ABCA13: variants seen among roughly 807,000 people sequenced by gnomAD.
The protein encoded by ABCA13 is ATP-binding cassette sub-family A member 13.
ABCA13 carries 476 observed loss-of-function variants against 478.7 expected under a neutral mutation model. The ratio of observed to expected loss-of-function variants is 0.99; its 90% confidence interval spans 0.92 to 1.07. The LOEUF (loss-of-function observed/expected upper bound fraction) is 1.07, where lower values mean the gene tolerates loss of function less well. ABCA13 is among the 50% of genes least tolerant of loss of function. The probability of loss-of-function intolerance (pLI) is 0.00; values close to 1 mark genes in which losing one functional copy is unlikely to be tolerated. For synonymous variants in ABCA13, 2,252 were observed against 2,158.9 expected (o/e 1.04, Z -1.20); for missense variants, 6,060 against 5,910.6 (o/e 1.03, Z -0.83).
intron 27 of ABCA13, among the ~76,000 whole-genome samples, chr7:48,321,917 T>C (rs2128910576): frequency 6.6e-6 from 1 of 152,300 alleles, no homozygotes; most frequent in Admixed American, 6.5e-5. Flanking sequence ...CACCCCTGAC[T>C]GTCACCAGGC....
intron 41 of ABCA13, among the ~76,000 whole-genome samples, chr7:48,427,043 A>G (rs749686729): frequency 1.3e-5 from 2 of 152,064 alleles, no homozygotes; most frequent in South Asian, 2.1e-4. Flanking sequence ...GAATTGCCCA[A>G]TGTTTATTTT....
At chr7:48,176,806 T>C (rs1794945081) in intron 1 of ABCA13, among the ~76,000 whole-genome samples, 1 of 152,212 alleles carries the variant, frequency 6.6e-6, no homozygotes, top group South Asian at 2.1e-4. Flanking sequence ...TCACTTTTTT[T>C]CCTTTAAGAT....
chr7:48,489,089 C>G (rs1829609426), intron 47 of ABCA13, 147 bp from the exon 48 acceptor site: 1 of 573,010 alleles, frequency 1.7e-6, no homozygotes, highest in South Asian at 2.8e-5. Context: ...TGCTCACTGT[C>G]AGCCATGCAG....
chr7:48,626,956 G>A, intron 59 of ABCA13: 1 of 985,364 alleles, frequency 1.0e-6, no homozygotes, highest in Non-Finnish European at 1.2e-6. Context: ...TATTGCGTAT[G>A]GTTGAGACGG....
chr7:48,317,870 C>T (rs1802820659), intron 27 of ABCA13, among the ~76,000 whole-genome samples: 1 of 152,144 alleles, frequency 6.6e-6, no homozygotes, highest in Admixed American at 6.5e-5. Flanking sequence ...CATTGTTTAA[C>T]CTCTCTAATC....
At position 48,272,848 on chromosome 7, in the gene ABCA13, C is replaced by T. The variant is rs926888576; in HGVS notation, c.3182C>T (p.Thr1061Ile). The change falls in exon 17 of 62, where the codon ACT becomes ATT. Residue 1061 changes from threonine to isoleucine, a missense_variant. By Grantham distance (89) the Thr-to-Ile change is moderately conservative. Transcript: ENST00000435803. Reference protein sequence around the residue: ...EGQELEVIHTTLTGLKQLLII... With the variant: ...EGQELEVIHTILTGLKQLLII... Reference sequence around the variant, plus strand: ...CAAGAACTGGAAGTGATCCACACTACTTTGACAGGCCTCAAACAGCTGCTC... The same window carrying T: ...CAAGAACTGGAAGTGATCCACACTATTTTGACAGGCCTCAAACAGCTGCTC... 1.9e-6 allele frequency: 3 copies of T among 1,607,696 alleles called. No homozygotes were observed. The highest frequency in any genetic ancestry group is 1.7e-4 in the Middle Eastern group (1 of 6,058).
intron 23 of ABCA13, among the ~76,000 whole-genome samples, chr7:48,308,452 A>G (rs1293677539): frequency 6.6e-6 from 1 of 152,160 alleles, no homozygotes; most frequent in Non-Finnish European, 1.5e-5. Context: ...CCTTGTCACT[A>G]TTATGTACTG....
intron 26 of ABCA13, 147 bp from the exon 27 acceptor site, chr7:48,317,010 T>C (rs1046711851): frequency 4.3e-6 from 4 of 930,974 alleles, no homozygotes; most frequent in East Asian, 5.4e-5. Flanking sequence ...ATATTCAAAC[T>C]ATAGCACTCC....
intron 2 of ABCA13, among the ~76,000 whole-genome samples, chr7:48,197,748 GACAATTTTTTTGTATTAT>G (rs1384576690): frequency 6.6e-6 from 1 of 151,982 alleles, no homozygotes; most frequent in East Asian, 1.9e-4. Flanking sequence ...ATTCAGTGTA[GACAATTTTTTTGTATTAT>G]ACAATATTTA....
chr7:48,621,300 A>G (rs1793106410), intron 59 of ABCA13, among the ~76,000 whole-genome samples: 1 of 152,178 alleles, frequency 6.6e-6, no homozygotes, highest in South Asian at 2.1e-4. Flanking sequence ...ATCTGTTCGT[A>G]GAGTGTTTAA....
At chr7:48,194,720 A>G (rs1310244059) in intron 2 of ABCA13, among the ~76,000 whole-genome samples, 1 of 152,328 alleles carries the variant, frequency 6.6e-6, no homozygotes, top group African/African-American at 2.4e-5. Flanking sequence ...GGTTTTACAC[A>G]TATTAGGACC....
At chr7:48,329,719 A>G (rs1445921376) in intron 27 of ABCA13, among the ~76,000 whole-genome samples, 5 of 151,964 alleles carry the variant, frequency 3.3e-5, no homozygotes, top group African/African-American at 7.3e-5. Context: ...CCAACCATCC[A>G]TCCATCCATT....
At chr7:48,472,419 A>G (rs10251627) in intron 45 of ABCA13, among the ~76,000 whole-genome samples, 53,008 of 151,906 alleles carry the variant, frequency 0.35, 9,340 homozygotes, top group East Asian at 0.46. Flanking sequence ...CAAAGTTGAG[A>G]ACAGCTATGT....
chr7:48,201,125 G>C (rs1181116968), intron 3 of ABCA13, among the ~76,000 whole-genome samples: 1 of 152,220 alleles, frequency 6.6e-6, no homozygotes, highest in Non-Finnish European at 1.5e-5. Flanking sequence ...GGGGGAGGAA[G>C]GGATGAGGAA....
chr7:48,604,427 T>G (rs960867614), intron 58 of ABCA13, among the ~76,000 whole-genome samples: 2 of 152,238 alleles, frequency 1.3e-5, no homozygotes, highest in African/African-American at 4.8e-5. Context: ...TCTGGTACAC[T>G]GTGCCTTTGT....
rs772366775 is a variant in ABCA13, at chr7:48,273,226, A to C, written c.3560A>C (p.Glu1187Ala). 28 of 1,613,512 alleles carry C rather than the reference A, an allele frequency of 1.7e-5. No individual in the cohort carries two copies. Among genetic ancestry groups the C allele is most frequent in the Non-Finnish European group, 2.4e-5 (28 of 1,179,740 alleles). Residue 1187 changes from glutamate (E) to alanine (A), a missense_variant, in exon 17 of 62, where the codon GAA becomes GCA. Physicochemically the swap from Glu to Ala is moderately radical, Grantham distance 107. Transcript: ENST00000435803. ...TTCACTCAGCTTTTGGATGAATTGG[A>C]AGATGATGTGAAAGTCTCTAAAAGC... ...HGFTQLLDELEDDVKVSKSCQ... is the reference protein window; with the variant it reads ...HGFTQLLDELADDVKVSKSCQ...
chr7:48,447,335 C>G (rs1824427310), intron 42 of ABCA13, among the ~76,000 whole-genome samples: 1 of 152,208 alleles, frequency 6.6e-6, no homozygotes, highest in Non-Finnish European at 1.5e-5. Context: ...GCATCTTGAA[C>G]TGGCTCCTTC....
intron 9 of ABCA13, 40 bp from the exon 10 acceptor site, chr7:48,240,827 G>T (rs1790718101): frequency 2.1e-6 from 3 of 1,432,200 alleles, no homozygotes; most frequent in Non-Finnish European, 2.8e-6. Context: ...TTTCCAATTT[G>T]CTATTATTAA....
intron 42 of ABCA13, among the ~76,000 whole-genome samples, chr7:48,452,900 A>C (rs1317722021): frequency 6.6e-6 from 1 of 152,220 alleles, no homozygotes; most frequent in Non-Finnish European, 1.5e-5. Context: ...TAGAGAATTC[A>C]AATACTTATC....
Sources: gnomAD v4.1 joint callset for allele counts (sites outside exome capture counted in the v4.1 genomes callset) on GRCh38, gnomAD v4.1.1 for gene constraint, MANE v1.5 for transcripts, NCBI Gene and HGNC (gene_info 2026-07-23, HGNC 2026-07-21) for gene names.